The following EYS variants were observed in gnomAD, a reference collection of about 807,000 sequenced individuals.
The protein encoded by EYS is protein eyes shut homolog.
Under a neutral mutation model 282.1 loss-of-function variants are expected in EYS, and 250 were observed. The ratio of observed to expected loss-of-function variants is 0.89; its 90% CI spans 0.80 to 0.98. EYS has a LOEUF of 0.98. Ranked by LOEUF, EYS falls within the 50% of genes least tolerant of loss-of-function variation. The pLI, the probability that EYS is intolerant of heterozygous loss-of-function variation, is 0.00. For synonymous variants in EYS, 1,355 were observed against 1,282.9 expected, an observed-to-expected ratio of 1.06 and a Z score of -1.20; for missense variants, 4,016 against 3,709.0, an observed-to-expected ratio of 1.08 and a Z score of -2.15.
chr6:64,717,019 C>T (rs1007507502), intron 22 of EYS, among the ~76,000 whole-genome samples: 1 of 152,152 alleles, frequency 6.6e-6, no homozygotes, highest in African/African-American at 2.4e-5. Context: ...TCATCATTGG[C>T]TCTTCCCCCT....
At chr6:65,490,569 G>T in intron 5 of EYS, 25 bp downstream of exon 5, 1 of 1,185,342 alleles carries the variant, frequency 8.4e-7, no homozygotes. Flanking sequence ...TTGTGTATAT[G>T]GTTGTATACA....
chr6:63,984,346 T>C, intron 35 of EYS, 37 bp downstream of exon 35: 2 of 1,383,826 alleles, frequency 1.4e-6, no homozygotes, highest in South Asian at 1.2e-5. Context: ...TTTGGAGTCA[T>C]GTAACGTAGG....
intron 12 of EYS, among the ~76,000 whole-genome samples, chr6:65,135,440 G>A (rs1197376710): frequency 6.6e-6 from 1 of 151,856 alleles, no homozygotes; most frequent in South Asian, 2.1e-4. Flanking sequence ...AAGACCTGTA[G>A]TTTAAATGTT....
chr6:64,208,150 G>C (rs1402335995), intron 31 of EYS, among the ~76,000 whole-genome samples: 1 of 152,130 alleles, frequency 6.6e-6, no homozygotes, highest in Non-Finnish European at 1.5e-5. Flanking sequence ...TTTCACTGCA[G>C]CATTATCGTT....
At chr6:65,324,772 T>C (rs1035440552) in intron 11 of EYS, among the ~76,000 whole-genome samples, 1 of 152,238 alleles carries the variant, frequency 6.6e-6, no homozygotes, top group Non-Finnish European at 1.5e-5. Context: ...TTTCTGAGGT[T>C]GTTTTTATCA....
intron 29 of EYS, among the ~76,000 whole-genome samples, chr6:64,343,982 T>C (rs568070971): frequency 1.3e-5 from 2 of 152,028 alleles, no homozygotes; most frequent in Admixed American, 1.3e-4. Flanking sequence ...CCTGGACACA[T>C]ACACACTCCC....
chr6:64,496,386 G>C (rs1473674168), intron 26 of EYS, among the ~76,000 whole-genome samples: 1 of 151,884 alleles, frequency 6.6e-6, no homozygotes, highest in African/African-American at 2.4e-5. Flanking sequence ...ATGAATAGTG[G>C]CCTTGCTTGT....
chr6:63,918,923 C>T (rs200586573), intron 35 of EYS, among the ~76,000 whole-genome samples: 1 of 152,160 alleles, frequency 6.6e-6, no homozygotes, highest in African/African-American at 2.4e-5. Flanking sequence ...GGAGTGGCTG[C>T]TCCAGTCCAA....
At chr6:64,480,678 A>G (rs1776411787) in intron 26 of EYS, among the ~76,000 whole-genome samples, 1 of 151,842 alleles carries the variant, frequency 6.6e-6, no homozygotes, top group African/African-American at 2.4e-5. Context: ...ATAGCAGTAA[A>G]CGTTATAAAT....
chr6:64,975,870 C>G (rs1237287628), intron 14 of EYS, among the ~76,000 whole-genome samples: 2 of 151,434 alleles, frequency 1.3e-5, no homozygotes, highest in African/African-American at 2.4e-5. Context: ...TTAAATAAAA[C>G]TAAATACTGT....
chr6:64,630,751 C>CATGTGATG (rs1767752300), intron 22 of EYS, among the ~76,000 whole-genome samples: 1 of 152,050 alleles, frequency 6.6e-6, no homozygotes, highest in Non-Finnish European at 1.5e-5. Context: ...CTCTTTGTTC[C>CATGTGATG]TTCAAGGTTA....
In EYS at chr6:65,306,597, G is replaced by C. The variant is rs184436383; in HGVS notation, c.1767-10478C>G. Among the ~76,000 whole-genome samples the C allele has an allele frequency of 9.3e-5, 14 of 151,350 alleles. No individual in the cohort carries two copies. The East Asian group carries it at 2.7e-3, about 29-fold the overall frequency. The stretch of plus-strand genomic sequence containing the variant: ...CAATGTTTCGTGTTCCGCATTATTT[G>C]AACCATTTGCCCTTACAGAAAGAGA... On this transcript the variant is annotated intron_variant, in intron 11 of 42. Coordinates refer to ENST00000503581, the MANE Select transcript of EYS (RefSeq NM_001142800.2).
At chr6:65,693,401 TTTC>T (rs1258016806) in intron 1 of EYS, among the ~76,000 whole-genome samples, 2 of 96,370 alleles carry the variant, frequency 2.1e-5, no homozygotes, top group Non-Finnish European at 4.0e-5. Flanking sequence ...TCTTTTTTCC[TTTC>T]TTTTTTTTTT....
intron 33 of EYS, among the ~76,000 whole-genome samples, chr6:64,035,966 G>C (rs1400454861): frequency 6.6e-6 from 1 of 152,186 alleles, no homozygotes; most frequent in Non-Finnish European, 1.5e-5. Context: ...CTTCTTGAAG[G>C]CATTAGTTTG....
intron 35 of EYS, among the ~76,000 whole-genome samples, chr6:63,976,422 C>A (rs551958830): frequency 6.6e-6 from 1 of 152,120 alleles, no homozygotes; most frequent in African/African-American, 2.4e-5. Flanking sequence ...TGCATTAGCA[C>A]TATTAATACT....
chr6:65,201,074 C>T (rs1180097575), intron 12 of EYS, among the ~76,000 whole-genome samples: 6 of 152,012 alleles, frequency 3.9e-5, no homozygotes, highest in African/African-American at 1.4e-4. Flanking sequence ...TTAGTTATAA[C>T]TATCTATTGA....
intron 5 of EYS, among the ~76,000 whole-genome samples, chr6:65,427,806 T>C (rs978301938): frequency 2.6e-5 from 4 of 152,026 alleles, no homozygotes; most frequent in African/African-American, 9.7e-5. Flanking sequence ...AATATATGAT[T>C]TATTATATTC....
chr6:65,008,491 G>A (rs1398524051), intron 13 of EYS, among the ~76,000 whole-genome samples: 1 of 152,136 alleles, frequency 6.6e-6, no homozygotes, highest in Admixed American at 6.5e-5. Flanking sequence ...CTTTAGTCAT[G>A]GCCCTCAGGC....
chr6:64,778,813 A>G (rs1310239370), intron 22 of EYS, among the ~76,000 whole-genome samples: 1 of 152,146 alleles, frequency 6.6e-6, no homozygotes, highest in Non-Finnish European at 1.5e-5. Context: ...AAAACCCATC[A>G]ACAACAACAA....
Sources: allele counts gnomAD v4.1 joint callset (sites outside exome capture counted in the v4.1 genomes callset), GRCh38; gene constraint gnomAD v4.1.1; transcripts MANE v1.5; gene names NCBI Gene and HGNC (gene_info 2026-07-23, HGNC 2026-07-21).